Variants in ASIC2 observed in about 807,000 individuals in gnomAD.
ASIC2 encodes the protein acid sensing ion channel subunit 2, also known as acid-sensing ion channel 2.
In ASIC2, 25 loss-of-function variants were observed where a neutral mutation model predicts 57.3. The ratio of observed to expected loss-of-function variants is 0.44; its 90% CI spans 0.32 to 0.61. The LOEUF (loss-of-function observed/expected upper bound fraction) is 0.61. Among genes scored for constraint, ASIC2 ranks in the 20% least tolerant of loss-of-function variants. The pLI is 0.06. For missense variants in ASIC2, 641 were observed against 738.1 expected, an observed-to-expected ratio of 0.87 and a Z score of 1.52; for synonymous variants, 319 against 307.5, an observed-to-expected ratio of 1.04 and a Z score of -0.39.
At chr17:33,103,802 C>T (rs2092224146) in intron 2 of ASIC2, among the ~76,000 whole-genome samples, 1 of 152,176 alleles carries the variant, frequency 6.6e-6, no homozygotes, top group Non-Finnish European at 1.5e-5. Flanking sequence ...TGCATAGCAC[C>T]TCACCCATGC....
chr17:33,871,871 TAC>T (rs1459093409), intron 1 of ASIC2, among the ~76,000 whole-genome samples: 1 of 152,128 alleles, frequency 6.6e-6, no homozygotes, highest in Non-Finnish European at 1.5e-5. Flanking sequence ...CTGTCAGCTG[TAC>T]ACACCTCTGG....
chr17:33,466,717 A>T (rs1912877126), intron 1 of ASIC2, among the ~76,000 whole-genome samples: 1 of 152,222 alleles, frequency 6.6e-6, no homozygotes, highest in South Asian at 2.1e-4. Flanking sequence ...CTGATCTTTG[A>T]CAAACCTGAC....
intron 1 of ASIC2, among the ~76,000 whole-genome samples, chr17:33,713,067 T>A (rs1402518077): frequency 1.3e-5 from 2 of 152,190 alleles, no homozygotes; most frequent in Non-Finnish European, 2.9e-5. Context: ...GCCAGCCAGA[T>A]GGAATTCGGT....
chr17:33,675,321 GA>G (rs2142053996), intron 1 of ASIC2, among the ~76,000 whole-genome samples: 1 of 152,298 alleles, frequency 6.6e-6, no homozygotes, highest in East Asian at 1.9e-4. Flanking sequence ...GTAGGAATGT[GA>G]GAGGTACCAG....
intron 1 of ASIC2, among the ~76,000 whole-genome samples, chr17:33,573,155 G>C (rs8073251): frequency 0.093 from 14,088 of 152,148 alleles, 1,343 homozygotes; most frequent in African/African-American, 0.24. Flanking sequence ...GGATAAGCAT[G>C]GTTCATATAA....
In ASIC2 at chr17:33,594,206, C is replaced by T. The variant is rs181979690; in HGVS notation, c.556-482139G>A. Among the ~76,000 whole-genome samples, 548 of 152,354 alleles carry T rather than the reference C, an allele frequency of 3.6e-3. 13 individuals carry two copies. Among genetic ancestry groups the T allele is most frequent in the Admixed American group, 0.03 (466 of 15,310 alleles). On this transcript the variant is annotated intron_variant, in intron 1 of 9. Transcript: ENST00000359872. ...GTGCTGGCATTCTGCCCTATTCTGA[C>T]GTAGGCCATCTATCAGATGGCTGAC...
intron 1 of ASIC2, among the ~76,000 whole-genome samples, chr17:33,820,156 A>C (rs1367198998): frequency 6.6e-6 from 1 of 152,154 alleles, no homozygotes; most frequent in Admixed American, 6.5e-5. Flanking sequence ...ATCTCTTTTT[A>C]ATTATATTTA....
At chr17:33,958,709 C>T (rs1341001106) in intron 1 of ASIC2, among the ~76,000 whole-genome samples, 4 of 152,182 alleles carry the variant, frequency 2.6e-5, no homozygotes, top group African/African-American at 9.7e-5. Flanking sequence ...GTGGCTGCCA[C>T]AAACGTCTCT....
At chr17:33,981,268 A>G (rs979200698) in intron 1 of ASIC2, among the ~76,000 whole-genome samples, 2 of 152,164 alleles carry the variant, frequency 1.3e-5, no homozygotes, top group Admixed American at 6.5e-5. Flanking sequence ...TAATTTTATG[A>G]GTTCTTCCTA....
At chr17:34,128,253 C>A (rs982849) in intron 1 of ASIC2, among the ~76,000 whole-genome samples, 1,635 of 152,228 alleles carry the variant, frequency 0.011, 108 homozygotes, top group Admixed American at 0.09. Flanking sequence ...ATCAAAGTGG[C>A]CCGTGGGATT....
intron 1 of ASIC2, among the ~76,000 whole-genome samples, chr17:33,927,961 T>A (rs2141969335): frequency 6.6e-6 from 1 of 152,340 alleles, no homozygotes; most frequent in South Asian, 2.1e-4. Context: ...ATCAGCTGTT[T>A]GATAATATTT....
At chr17:33,917,805 T>C (rs918911877) in intron 1 of ASIC2, among the ~76,000 whole-genome samples, 1 of 152,144 alleles carries the variant, frequency 6.6e-6, no homozygotes, top group African/African-American at 2.4e-5. Flanking sequence ...ATATTATATT[T>C]CTAGGGCCTT....
At chr17:33,164,638 G>A (rs1222647863) in intron 1 of ASIC2, among the ~76,000 whole-genome samples, 2 of 151,732 alleles carry the variant, frequency 1.3e-5, no homozygotes, top group Non-Finnish European at 2.9e-5. Flanking sequence ...ATGCAAACAC[G>A]ACTGTTGCAG....
intron 1 of ASIC2, among the ~76,000 whole-genome samples, chr17:33,474,923 C>G (rs1330697056): frequency 6.6e-6 from 1 of 152,164 alleles, no homozygotes; most frequent in Non-Finnish European, 1.5e-5. Flanking sequence ...TCTATCTCAC[C>G]TGATTGCGCT....
chr17:33,184,001 T>C (rs995823131), intron 1 of ASIC2, among the ~76,000 whole-genome samples: 2 of 152,174 alleles, frequency 1.3e-5, no homozygotes, highest in African/African-American at 2.4e-5. Context: ...ATCACAGGAC[T>C]ATTTTGAGGA....
At chr17:33,627,006 C>T (rs1906006911) in intron 1 of ASIC2, 1 of 152,310 alleles carries the variant, frequency 6.6e-6, no homozygotes, top group Admixed American at 6.5e-5. Context: ...TCACTTCTGG[C>T]CCTCATCCAC....
intron 7 of ASIC2, among the ~76,000 whole-genome samples, chr17:33,019,592 C>A (rs190755208): frequency 6.6e-6 from 1 of 151,864 alleles, no homozygotes; most frequent in Non-Finnish European, 1.5e-5. Context: ...AAGGGCCGTG[C>A]GGTGCTGAGA....
chr17:33,419,318 G>A (rs990707142), intron 1 of ASIC2, among the ~76,000 whole-genome samples: 2 of 152,198 alleles, frequency 1.3e-5, no homozygotes, highest in Non-Finnish European at 2.9e-5. Context: ...TGAACTGAAT[G>A]TGTTTAAAGA....
intron 3 of ASIC2, among the ~76,000 whole-genome samples, chr17:33,074,731 T>C (rs2092082596): frequency 6.6e-6 from 1 of 152,224 alleles, no homozygotes; most frequent in South Asian, 2.1e-4. Context: ...TCTTAACCTC[T>C]CAGTGCTCCA....
Sources: allele counts gnomAD v4.1 joint callset (sites outside exome capture counted in the v4.1 genomes callset), GRCh38; gene constraint gnomAD v4.1.1; transcripts MANE v1.5; gene names NCBI Gene and HGNC (gene_info 2026-07-23, HGNC 2026-07-21).